Variants in EEIG2 observed in about 807,000 individuals in gnomAD.
EEIG2 encodes the protein family with sequence similarity 102 member B.
At chr1:108,576,074 C>T in the EEIG2 span, among the ~76,000 whole-genome samples, 1 of 152,084 alleles carries the variant, frequency 6.6e-6, no homozygotes, top group African/African-American at 2.4e-5. Flanking sequence ...CTCAAACTCC[C>T]GGGTTCAAGC....
At chr1:108,609,142 T>G in the EEIG2 span, among the ~76,000 whole-genome samples, 6 of 152,300 alleles carry the variant, frequency 3.9e-5, no homozygotes, top group South Asian at 1.2e-3. Context: ...TTTAACTTAT[T>G]GACATTGTAA....
chr1:108,629,947 C>A, the EEIG2 span: 2 of 355,832 alleles, frequency 5.6e-6, no homozygotes, highest in South Asian at 2.8e-5. Context: ...TAAAAGGACA[C>A]TTAGAAAAGA....
chr1:108,637,301 A>G, the EEIG2 span: 39 of 152,272 alleles, frequency 2.6e-4, no homozygotes, highest in South Asian at 8.3e-4. Context: ...ACTAATGTCT[A>G]TGTCTTCTGT....
the EEIG2 span, among the ~76,000 whole-genome samples, chr1:108,596,222 T>C: frequency 1.3e-5 from 2 of 152,198 alleles, no homozygotes; most frequent in East Asian, 1.9e-4. Context: ...TAAAGTTATA[T>C]ACTTCTGTTC....
At chr1:108,596,925 C>G in the EEIG2 span, among the ~76,000 whole-genome samples, 1 of 151,986 alleles carries the variant, frequency 6.6e-6, no homozygotes, top group Non-Finnish European at 1.5e-5. Context: ...GAAACAGGGT[C>G]TCCTTTGTTG....
At chr1:108,567,718 G>C in the EEIG2 span, among the ~76,000 whole-genome samples, 1 of 152,192 alleles carries the variant, frequency 6.6e-6, no homozygotes, top group Non-Finnish European at 1.5e-5. Flanking sequence ...ATGCAGCGAG[G>C]CATTTTTATG....
At chr1:108,596,300 T>C in the EEIG2 span, among the ~76,000 whole-genome samples, 829 of 152,258 alleles carry the variant, frequency 5.4e-3, 6 homozygotes, top group African/African-American at 0.019. Flanking sequence ...AAGTCATAAA[T>C]ACTAATAATT....
chr1:108,588,462 T>G, the EEIG2 span, among the ~76,000 whole-genome samples: 3 of 152,198 alleles, frequency 2.0e-5, no homozygotes, highest in Non-Finnish European at 2.9e-5. Flanking sequence ...TTAATGATGT[T>G]GAGCATCTTT....
the EEIG2 span, among the ~76,000 whole-genome samples, chr1:108,584,258 G>A: frequency 2.6e-5 from 4 of 152,170 alleles, no homozygotes; most frequent in Non-Finnish European, 4.4e-5. Flanking sequence ...CAAAGGATTA[G>A]TGTAAATGAA....
chr1:108,593,949 G>GCGTA, the EEIG2 span, among the ~76,000 whole-genome samples: 52 of 152,064 alleles, frequency 3.4e-4, no homozygotes, highest in Non-Finnish European at 4.4e-5. Context: ...GGGACCACAG[G>GCGTA]CGTACACCAC....
chr1:108,622,008 T>C, the EEIG2 span, among the ~76,000 whole-genome samples: 1 of 151,974 alleles, frequency 6.6e-6, no homozygotes, highest in South Asian at 2.1e-4. Flanking sequence ...AATACAAAAA[T>C]TAGCCAGGCA....
At chr1:108,624,497 C>T in the EEIG2 span, 17 of 512,580 alleles carry the variant, frequency 3.3e-5, no homozygotes, top group South Asian at 1.3e-4. Flanking sequence ...GATGCTTATA[C>T]GTTATTTGCT....
At chr1:108,568,171 C>T in the EEIG2 span, among the ~76,000 whole-genome samples, 1 of 152,024 alleles carries the variant, frequency 6.6e-6, no homozygotes, top group East Asian at 1.9e-4. Context: ...ATATTCACCA[C>T]TGTATCACTG....
At chr1:108,564,225 T>C in the EEIG2 span, among the ~76,000 whole-genome samples, 1 of 151,490 alleles carries the variant, frequency 6.6e-6, no homozygotes, top group Non-Finnish European at 1.5e-5. Flanking sequence ...ATCACCTGGC[T>C]GACAGGCTGA....
chr1:108,616,327 G>C, the EEIG2 span: 6 of 1,150,690 alleles, frequency 5.2e-6, no homozygotes, highest in East Asian at 1.4e-4. Context: ...TAAGTGCTGT[G>C]AAGGAAGCAT....
the EEIG2 span, among the ~76,000 whole-genome samples, chr1:108,576,065 T>A: frequency 6.6e-6 from 1 of 152,192 alleles, no homozygotes; most frequent in Non-Finnish European, 1.5e-5. Flanking sequence ...CAGGCTGTTC[T>A]CAAACTCCCG....
chr1:108,603,277 C>T, the EEIG2 span, among the ~76,000 whole-genome samples: 3 of 152,096 alleles, frequency 2.0e-5, no homozygotes, highest in East Asian at 5.8e-4. Flanking sequence ...GGCTGAGCAG[C>T]GAAGACACTG....
At chr1:108,622,714 G>T in the EEIG2 span, among the ~76,000 whole-genome samples, 1 of 152,178 alleles carries the variant, frequency 6.6e-6, no homozygotes, top group African/African-American at 2.4e-5. Flanking sequence ...TCCTAGGCTG[G>T]AAATAGTCAA....
At chr1:108,627,846 C>T in the EEIG2 span, 1 of 245,334 alleles carries the variant, frequency 4.1e-6, no homozygotes, top group Non-Finnish European at 7.9e-6. Context: ...AACACTAAAA[C>T]TGTAGCAGTT....
Sources: allele counts gnomAD v4.1 joint callset (sites outside exome capture counted in the v4.1 genomes callset), GRCh38; gene constraint gnomAD v4.1.1; transcripts MANE v1.5; gene names NCBI Gene and HGNC (gene_info 2026-07-23, HGNC 2026-07-21).